The following DMD variants were observed in gnomAD, a reference collection of about 807,000 sequenced individuals.
The protein encoded by DMD is mutant dystrophin.
Under a neutral mutation model 330.1 loss-of-function variants are expected in DMD, and 63 were observed. That is an observed-to-expected ratio of 0.19 (90% CI 0.16 to 0.24). The LOEUF is 0.24. Ranked by LOEUF, DMD falls within the 10% of genes least tolerant of loss-of-function variation. DMD has a pLI of 1.00. For missense variants in DMD, 3,344 were observed against 2,684.1 expected (o/e 1.25, Z -5.43); for synonymous variants, 1,223 against 959.8 (o/e 1.27, Z -5.07).
intron 1 of DMD, among the ~76,000 whole-genome samples, chrX:33,264,549 C>G (rs1215247132): frequency 9.0e-6 from 1 of 110,560 alleles, no homozygotes; most frequent in Non-Finnish European, 1.9e-5. Flanking sequence ...CCTAGTTTAC[C>G]CTAGGATTAG....
At chrX:32,247,651 T>A (rs1677581963) in intron 43 of DMD, among the ~76,000 whole-genome samples, 1 of 111,158 alleles carries the variant, frequency 9.0e-6, no homozygotes, top group Admixed American at 9.7e-5. Context: ...AAGGATCATC[T>A]CACCCGGATC....
At chrX:32,980,368 CAAAAAAAAAAAAA>C (rs755016078) in intron 2 of DMD, among the ~76,000 whole-genome samples, 2 of 42,636 alleles carry the variant, frequency 4.7e-5, no homozygotes, top group African/African-American at 1.8e-4. Flanking sequence ...GACTCTGTCT[CAAAAAAAAAAAAA>C]AAAAAAAAAA....
chrX:31,280,684 C>T (rs2052547679), intron 62 of DMD, among the ~76,000 whole-genome samples: 1 of 112,288 alleles, frequency 8.9e-6, no homozygotes, highest in African/African-American at 3.2e-5. Context: ...TACAACTGCA[C>T]AAAGAATGAG....
At chrX:32,529,204 T>C (rs1159955629) in intron 17 of DMD, among the ~76,000 whole-genome samples, 2 of 106,479 alleles carry the variant, frequency 1.9e-5, no homozygotes, top group Non-Finnish European at 3.9e-5. Flanking sequence ...GGATTACAGG[T>C]GTGAGCCACC....
intron 11 of DMD, among the ~76,000 whole-genome samples, chrX:32,643,177 G>A (rs761779063): frequency 3.6e-5 from 4 of 110,814 alleles, no homozygotes; most frequent in African/African-American, 1.3e-4. Flanking sequence ...TCCTGGCTTG[G>A]AATACATATA....
intron 1 of DMD, among the ~76,000 whole-genome samples, chrX:33,107,202 C>T (rs185089139): frequency 9.2e-6 from 1 of 108,825 alleles, no homozygotes; most frequent in East Asian, 2.9e-4. Flanking sequence ...ATCCCAGCTA[C>T]TCGGGAGGCT....
intron 1 of DMD, among the ~76,000 whole-genome samples, chrX:33,231,741 G>T (rs2052390964): frequency 8.9e-6 from 1 of 111,885 alleles, no homozygotes; most frequent in African/African-American, 3.3e-5. Context: ...TCTAAATCCA[G>T]TAAGAGATAG....
chrX:32,027,304 C>T (rs1031205057), intron 44 of DMD, among the ~76,000 whole-genome samples: 8 of 109,725 alleles, frequency 7.3e-5, no homozygotes, highest in African/African-American at 2.7e-4. Flanking sequence ...AAATGCTGTA[C>T]CTCCCCTTCT....
intron 54 of DMD, among the ~76,000 whole-genome samples, chrX:31,640,261 A>C (rs1190422335): frequency 8.9e-6 from 1 of 112,172 alleles, no homozygotes; most frequent in Non-Finnish European, 1.9e-5. Context: ...TGAAAATTGC[A>C]GCCCAGCTCA....
chrX:32,476,405 C>A (rs1442282953), intron 21 of DMD, among the ~76,000 whole-genome samples: 1 of 111,422 alleles, frequency 9.0e-6, no homozygotes, highest in Non-Finnish European at 1.9e-5. Flanking sequence ...TTCAAAAAAT[C>A]TAATCTCTTG....
At chrX:31,892,259 A>G (rs1181297695) in intron 47 of DMD, among the ~76,000 whole-genome samples, 1 of 112,133 alleles carries the variant, frequency 8.9e-6, no homozygotes, top group African/African-American at 3.2e-5. Context: ...AATGGAAACG[A>G]TATGTCAACA....
At chrX:31,514,556 T>A (rs1271133345) in intron 55 of DMD, among the ~76,000 whole-genome samples, 1 of 112,328 alleles carries the variant, frequency 8.9e-6, no homozygotes, top group Non-Finnish European at 1.9e-5. Flanking sequence ...ATGAAAACTC[T>A]TTCATTACTT....
At chrX:31,561,560 T>A (rs1452737314) in intron 55 of DMD, among the ~76,000 whole-genome samples, 2 of 112,017 alleles carry the variant, frequency 1.8e-5, no homozygotes, top group African/African-American at 6.5e-5. Flanking sequence ...ATAATAGCTA[T>A]AACACTTGTC....
chrX:31,905,012 A>G (rs1441801730), intron 47 of DMD, among the ~76,000 whole-genome samples: 1 of 111,816 alleles, frequency 8.9e-6, no homozygotes, highest in East Asian at 2.8e-4. Context: ...AGAACGGACC[A>G]TATTTTAACG....
chrX:31,591,899 T>C (rs2076891395), intron 55 of DMD, among the ~76,000 whole-genome samples: 1 of 111,086 alleles, frequency 9.0e-6, no homozygotes, highest in South Asian at 3.8e-4. Context: ...TCTATTAAAG[T>C]AGTTCCTCCT....
chrX:33,251,834 TA>T (rs1569559184), intron 1 of DMD, among the ~76,000 whole-genome samples: 2 of 111,682 alleles, frequency 1.8e-5, no homozygotes, highest in Non-Finnish European at 3.8e-5. Flanking sequence ...GTGAAATAAA[TA>T]AATAAGGAAA....
At chrX:32,199,655 C>T (rs1028650539) in intron 44 of DMD, among the ~76,000 whole-genome samples, 1 of 108,899 alleles carries the variant, frequency 9.2e-6, no homozygotes, top group Admixed American at 9.9e-5. Flanking sequence ...ACTCTGTCAC[C>T]CAGGTCGGAG....
chrX:33,281,582 C>T (rs1013854905), intron 1 of DMD, among the ~76,000 whole-genome samples: 20 of 111,264 alleles, frequency 1.8e-4, no homozygotes, highest in African/African-American at 5.6e-4. Flanking sequence ...TAGTCGATGT[C>T]TTTTCTCATT....
Position 32,528,421 on chromosome X carries a change from G to A in DMD, c.2169-10290C>T, listed in dbSNP as rs900367801. On this transcript the variant is annotated intron_variant, in intron 17 of 78. Coordinates refer to ENST00000357033, the MANE Select transcript of DMD (RefSeq NM_004006.3). Reference sequence around the variant, plus strand: ...TTTTCTTGGGTAAATTAATTTCTTCGATCTTCAGCGACTTCTTGCTTTAAA... The same window carrying A: ...TTTTCTTGGGTAAATTAATTTCTTCAATCTTCAGCGACTTCTTGCTTTAAA... 5.4e-5 allele frequency among the ~76,000 whole-genome samples: 6 copies of A among 111,553 alleles called. 1 individual carries two copies. The highest frequency in any genetic ancestry group is 5.6e-4 in the East Asian group (2 of 3,566).
Sources: allele counts gnomAD v4.1 joint callset (sites outside exome capture counted in the v4.1 genomes callset), GRCh38; gene constraint gnomAD v4.1.1; transcripts MANE v1.5; gene names NCBI Gene and HGNC (gene_info 2026-07-23, HGNC 2026-07-21).